Variants in CCDC175 observed in about 807,000 individuals in gnomAD.
CCDC175 encodes coiled-coil domain-containing protein 175.
A neutral mutation model predicts 114.6 loss-of-function variants in CCDC175; 100 were observed. The ratio of observed to expected loss-of-function variants is 0.87; its 90% CI spans 0.74 to 1.03. CCDC175 has a LOEUF of 1.03. Among genes scored for constraint, CCDC175 ranks in the 50% least tolerant of loss-of-function variants. The pLI is 0.00. For missense variants in CCDC175, 880 were observed against 917.8 expected (o/e 0.96, Z 0.53); for synonymous variants, 306 against 308.7 (o/e 0.99, Z 0.09).
intron 7 of CCDC175, among the ~76,000 whole-genome samples, chr14:59,552,796 G>A (rs890011156): frequency 1.5e-4 from 23 of 152,176 alleles, no homozygotes; most frequent in Non-Finnish European, 3.2e-4. Flanking sequence ...TGAAAACCAT[G>A]GTACGTGAAC....
At chr14:59,517,790 T>A (rs918426543) in intron 17 of CCDC175, among the ~76,000 whole-genome samples, 2 of 152,158 alleles carry the variant, frequency 1.3e-5, no homozygotes, top group African/African-American at 4.8e-5. Context: ...AAGCTACCAA[T>A]GACTTTCTTC....
At chr14:59,545,357 A>G in intron 8 of CCDC175, 58 bp from the exon 9 acceptor site, 2 of 1,495,300 alleles carry the variant, frequency 1.3e-6, no homozygotes, top group African/African-American at 1.4e-5. Flanking sequence ...CTCTGAGGCC[A>G]TCTGCATCAG....
rs1293675555 is a variant in CCDC175, at chr14:59,540,724, G to C, written c.1306C>G (p.Gln436Glu). The change falls in exon 11 of 20, where the codon CAA becomes GAA. Residue 436 changes from glutamine (Q) to glutamate (E), a missense_variant. Physicochemically the swap from Gln to Glu is conservative, Grantham distance 29 (BLOSUM62 2). Coordinates refer to ENST00000537690, the MANE Select transcript of CCDC175 (RefSeq NM_001164399.2). ...LQQATKTVYQ[Q>E]QIKILSANLE... The stretch of plus-strand genomic sequence containing the variant: ...TTAGCACTCAGGATTTTGATTTGTT[G>C]CTGATACACTGTTTTTGTTGCTCTA... The C allele has an allele frequency of 7.3e-7, 1 of 1,362,638 alleles. No individual in the cohort carries two copies. The highest frequency in any genetic ancestry group is 9.4e-7 in the Non-Finnish European group (1 of 1,058,256). 84.4% of individuals were successfully genotyped at this position (1,362,638 alleles called of 1,614,324 possible).
chr14:59,557,583 TG>T (rs1431560885), intron 7 of CCDC175, among the ~76,000 whole-genome samples: 2 of 151,216 alleles, frequency 1.3e-5, no homozygotes, highest in African/African-American at 4.9e-5. Flanking sequence ...ACCTGCATGT[TG>T]TGCACATGTA....
intron 1 of CCDC175, among the ~76,000 whole-genome samples, chr14:59,575,654 C>T (rs998442055): frequency 2.6e-5 from 4 of 151,986 alleles, no homozygotes; most frequent in East Asian, 1.9e-4. Context: ...GGATTACAGA[C>T]GTGCGTCACC....
chr14:59,526,686 C>A (rs1893759653), intron 15 of CCDC175, among the ~76,000 whole-genome samples: 1 of 152,156 alleles, frequency 6.6e-6, no homozygotes, highest in Middle Eastern at 3.2e-3. Context: ...CACTAAACAT[C>A]TCTTTACCTG....
chr14:59,523,487 A>G (rs1417787803), intron 16 of CCDC175, among the ~76,000 whole-genome samples: 1 of 152,154 alleles, frequency 6.6e-6, no homozygotes, highest in East Asian at 1.9e-4. Flanking sequence ...GCTTCAATTT[A>G]CACATCTATA....
Position 59,522,448 on chromosome 14 carries a change from T to C in CCDC175, c.1996-772A>G, listed in dbSNP as rs112393667. The stretch of plus-strand genomic sequence containing the variant: ...TTTCATAGCTTGTTTTCTGATATTA[T>C]AGTAAACAAAAGTAAAAGCCACCTT... On this transcript the variant is annotated intron_variant, in intron 16 of 19. Transcript: ENST00000537690. Among the ~76,000 whole-genome samples the C allele has an allele frequency of 2.1e-3, 320 of 152,312 alleles. 1 individual carries two copies. Among genetic ancestry groups the C allele is most frequent in the African/African-American group, 6.9e-3 (286 of 41,568 alleles).
At position 59,570,435 on chromosome 14, in the gene CCDC175, C is replaced by CT. The variant is rs148124143; in HGVS notation, c.356-2056dup. Among the ~76,000 whole-genome samples the CT allele has an allele frequency of 9.2e-3, 1,357 of 147,356 alleles. 13 individuals are homozygous for CT. Among genetic ancestry groups the CT allele is most frequent in the East Asian group, 0.015 (77 of 5,076 alleles). ...ATAAATGGCTAACTGGAAAATCTAC[C>CT]TTTTTTTTTTTACTTATTAAGACCA... On this transcript the variant is annotated intron_variant, in intron 3 of 19. Coordinates refer to ENST00000537690, the MANE Select transcript of CCDC175 (RefSeq NM_001164399.2).
At chr14:59,528,558 C>T (rs1382961686) in intron 14 of CCDC175, among the ~76,000 whole-genome samples, 1 of 152,106 alleles carries the variant, frequency 6.6e-6, no homozygotes, top group East Asian at 1.9e-4. Flanking sequence ...ACATCCCCCA[C>T]CCACACCCAC....
chr14:59,525,990 G>T (rs1180842170), intron 15 of CCDC175, among the ~76,000 whole-genome samples: 1 of 152,120 alleles, frequency 6.6e-6, no homozygotes, highest in Non-Finnish European at 1.5e-5. Flanking sequence ...GATATCAAGG[G>T]ATGACTGTAC....
intron 6 of CCDC175, 122 bp downstream of exon 6, chr14:59,563,613 CAG>C (rs1896352186): frequency 1.8e-6 from 1 of 547,774 alleles, no homozygotes; most frequent in Non-Finnish European, 2.7e-6. Context: ...AAGAAAGTGT[CAG>C]AAAATGTTAA....
chr14:59,509,472 T>G (rs1594970400), intron 19 of CCDC175, among the ~76,000 whole-genome samples: 1 of 152,192 alleles, frequency 6.6e-6, no homozygotes, highest in African/African-American at 2.4e-5. Context: ...GAACACAGGT[T>G]TTCCCAAATA....
intron 8 of CCDC175, among the ~76,000 whole-genome samples, chr14:59,549,256 T>C (rs1252017745): frequency 6.6e-6 from 1 of 152,188 alleles, no homozygotes; most frequent in Non-Finnish European, 1.5e-5. Context: ...CTCACGCCTG[T>C]AATCCCCAGC....
intron 7 of CCDC175, among the ~76,000 whole-genome samples, chr14:59,560,838 G>A (rs998494341): frequency 6.6e-6 from 1 of 152,194 alleles, no homozygotes; most frequent in South Asian, 2.1e-4. Context: ...TGTTTATAGG[G>A]AGTTCGGAAC....
intron 14 of CCDC175, among the ~76,000 whole-genome samples, chr14:59,529,804 G>A (rs933659238): frequency 2.6e-5 from 4 of 152,072 alleles, no homozygotes; most frequent in Admixed American, 2.6e-4. Context: ...TTATCCATCA[G>A]ATTTAACTAA....
At chr14:59,519,895 G>C (rs1465418853) in intron 17 of CCDC175, among the ~76,000 whole-genome samples, 1 of 152,218 alleles carries the variant, frequency 6.6e-6, no homozygotes, top group Admixed American at 6.5e-5. Context: ...CTGCTACATG[G>C]AGAGGCCATG....
rs993905165 is a variant in CCDC175, at chr14:59,561,198, G to A, written c.874C>T (p.Arg292Ter). 1.8e-5 allele frequency: 27 copies of A among 1,534,144 alleles called. No individual in the cohort carries two copies. Among genetic ancestry groups the A allele is most frequent in the African/African-American group, 5.5e-5 (4 of 72,882 alleles). Reference sequence around the variant, plus strand: ...CAATACCTTATTGATTCGTGTAGTCGTGCTATCTCTAAATTGTGATCACTA... The same window carrying A: ...CAATACCTTATTGATTCGTGTAGTCATGCTATCTCTAAATTGTGATCACTA... ...VLSDHNLEIA[R>*]LHESIRYWEQ... Residue 292 changes from arginine to a stop codon, truncating the protein, a stop_gained, in exon 7 of 20, where the codon CGA (arginine) becomes TGA (stop). Coordinates refer to ENST00000537690, the MANE Select transcript of CCDC175 (RefSeq NM_001164399.2). LOFTEE classifies it high-confidence loss of function.
At chr14:59,554,371 T>C (rs1408594323) in intron 7 of CCDC175, among the ~76,000 whole-genome samples, 1 of 152,094 alleles carries the variant, frequency 6.6e-6, no homozygotes, top group African/African-American at 2.4e-5. Context: ...GACTACTGGG[T>C]ACACAATGAA....
Sources: allele counts gnomAD v4.1 joint callset (sites outside exome capture counted in the v4.1 genomes callset), GRCh38; gene constraint gnomAD v4.1.1; transcripts MANE v1.5; gene names NCBI Gene and HGNC (gene_info 2026-07-23, HGNC 2026-07-21).